The following KIAA1755 variants were observed in gnomAD, a reference collection of about 807,000 sequenced individuals.
The protein encoded by KIAA1755 is KIAA1755.
A neutral mutation model predicts 91.7 loss-of-function variants in KIAA1755; 68 were observed. The observed-to-expected ratio is 0.74, with a 90% CI of 0.61 to 0.91. The LOEUF (loss-of-function observed/expected upper bound fraction) is 0.91. Among genes scored for constraint, KIAA1755 ranks in the 40% least tolerant of loss-of-function variants. The pLI, the probability that KIAA1755 is intolerant of heterozygous loss-of-function variation, is 0.00. For missense variants in KIAA1755, 1,535 were observed against 1,494.4 expected, an observed-to-expected ratio of 1.03 and a Z score of -0.45; for synonymous variants, 610 against 604.6, an observed-to-expected ratio of 1.01 and a Z score of -0.13.
At position 38,241,422 on chromosome 20, in the gene KIAA1755, T is replaced by C. The variant is rs756370481; in HGVS notation, c.709A>G (p.Lys237Glu). ...TACTTGCTCCCATATGTCCTGCCCT[T>C]ACCCTTGGCCAAACTCTGGGCAGGA... is the stretch of plus-strand genomic sequence containing the variant. ...VLPAQSLAKG[K>E]GRTYGSKYPG... The change falls in exon 3 of 14, where the codon AAG (lysine) becomes GAG (glutamate). Residue 237 changes from lysine (K) to glutamate (E), a missense_variant. By Grantham distance (56) the Lys-to-Glu change is moderately conservative (BLOSUM62 1). Transcript: ENST00000279024. 20 of 1,614,086 alleles carry C rather than the reference T, an allele frequency of 1.2e-5. No individual in the cohort carries two copies. The highest frequency in any genetic ancestry group is 1.2e-4 in the Admixed American group (7 of 60,012).
rs779933131 is a variant in KIAA1755, at chr20:38,239,591, G to A, written c.1684C>T (p.Pro562Ser). Residue 562 changes from proline (P) to serine (S), a missense_variant, in exon 4 of 14, where the codon CCT becomes TCT. Coordinates refer to ENST00000279024, the MANE Select transcript of KIAA1755 (RefSeq NM_001029864.2). ...CCTAGAGCCCCAATCCTGGGCTCAG[G>A]CCCTGGGGGCTCCTCCTCCAGGGTG... Reference protein sequence around the residue: ...GPTLEEEPPGPEPRIGALGVK... With the variant: ...GPTLEEEPPGSEPRIGALGVK... 1.9e-6 allele frequency: 3 copies of A among 1,608,818 alleles called. No individual in the cohort carries two copies. Among genetic ancestry groups the A allele is most frequent in the Non-Finnish European group, 2.5e-6 (3 of 1,178,306 alleles).
At chr20:38,252,802 G>C (rs978738394) in intron 1 of KIAA1755, among the ~76,000 whole-genome samples, 1 of 152,162 alleles carries the variant, frequency 6.6e-6, no homozygotes, top group Non-Finnish European at 1.5e-5. Context: ...ACAGAGCTCC[G>C]AGCTCTTGGC....
At chr20:38,222,098 G>T (rs1568737164) in intron 10 of KIAA1755, among the ~76,000 whole-genome samples, 1 of 152,254 alleles carries the variant, frequency 6.6e-6, no homozygotes, top group East Asian at 1.9e-4. Flanking sequence ...GTTCTTGCCA[G>T]AAATAAATGA....
At position 38,222,586 on chromosome 20, in the gene KIAA1755, C is replaced by A. The variant is rs35524973; in HGVS notation, c.2280G>T (p.Arg760Ser). ...TCAGCTCCTTGGACTTGCTCAGGCA[C>A]CTGGTAGCCTCCTGCCAGCGTAGGG... ...DPPGGMQEATRCLSKSKELME... is the reference protein window; with the variant it reads ...DPPGGMQEATSCLSKSKELME... The change falls in exon 10 of 14, where the codon AGG becomes AGT. Residue 760 changes from arginine (R) to serine (S), a missense_variant. By Grantham distance (110) the Arg-to-Ser change is moderately radical. Transcript: ENST00000279024. 204 of 1,612,468 alleles carry A rather than the reference C, an allele frequency of 1.3e-4. 1 individual carries two copies. Among genetic ancestry groups the A allele is most frequent in the Admixed American group, 5.3e-4 (32 of 60,022 alleles).
At chr20:38,242,042 AG>A in intron 2 of KIAA1755, 113 bp from the exon 3 acceptor site, 6 of 1,103,458 alleles carry the variant, frequency 5.4e-6, no homozygotes, top group Non-Finnish European at 7.8e-6. Context: ...GACTAGGATG[AG>A]GCAGCATTTA....
intron 13 of KIAA1755, among the ~76,000 whole-genome samples, chr20:38,216,503 G>A (rs2123056448): frequency 6.6e-6 from 1 of 152,370 alleles, no homozygotes; most frequent in Non-Finnish European, 1.5e-5. Context: ...GCAAGGGGCA[G>A]CCAAGGGCAC....
intron 1 of KIAA1755, chr20:38,260,103 C>G: frequency 1.0e-6 from 1 of 962,724 alleles, no homozygotes; most frequent in Non-Finnish European, 1.4e-6. Flanking sequence ...TAACCCCCAC[C>G]ACCACTCTTC....
At chr20:38,256,202 A>G (rs2076336536) in intron 1 of KIAA1755, among the ~76,000 whole-genome samples, 1 of 152,112 alleles carries the variant, frequency 6.6e-6, no homozygotes, top group Non-Finnish European at 1.5e-5. Context: ...CTTAGTCATC[A>G]TAGTGGGCTT....
At chr20:38,242,422 T>A (rs146272950) in intron 2 of KIAA1755, among the ~76,000 whole-genome samples, 2 of 152,224 alleles carry the variant, frequency 1.3e-5, no homozygotes, top group Non-Finnish European at 2.9e-5. Flanking sequence ...GGTATGAGGA[T>A]TAAGTGAGAT....
At position 38,246,092 on chromosome 20, in the gene KIAA1755, G is replaced by T. The variant is rs938665875; in HGVS notation, c.38C>A (p.Ala13Asp). Reference sequence around the variant, plus strand: ...GAAAGGAGGATAGAGGCCCGCCAGGGCATGCTGGATGGCTGTGTCGAGGGA... The same window carrying T: ...GAAAGGAGGATAGAGGCCCGCCAGGTCATGCTGGATGGCTGTGTCGAGGGA... The part of the protein sequence containing the change: ...PPSLDTAIQH[A>D]LAGLYPPFEA... Residue 13 changes from alanine (A) to aspartate (D), a missense_variant, in exon 2 of 14, where the codon GCC becomes GAC. Coordinates refer to ENST00000279024, the MANE Select transcript of KIAA1755 (RefSeq NM_001029864.2). The T allele has an allele frequency of 5.6e-6, 9 of 1,613,816 alleles. No homozygotes were observed. In the African/African-American group the frequency reaches 1.2e-4, roughly 22 times the overall value.
In KIAA1755 at chr20:38,211,267, C is replaced by G. The variant is rs1322779273; in HGVS notation, c.*1775G>C. 1 of 152,376 alleles carries G rather than the reference C, an allele frequency of 6.6e-6. No homozygotes were observed. The highest frequency in any genetic ancestry group is 1.5e-5 in the Non-Finnish European group (1 of 68,176). The allele number at this position is 152,376 out of a possible 1,614,324, so 9.4% of individuals were successfully genotyped here. On this transcript the variant is annotated 3_prime_UTR_variant, in exon 14 of 14. Coordinates refer to ENST00000279024, the MANE Select transcript of KIAA1755 (RefSeq NM_001029864.2). The stretch of plus-strand genomic sequence containing the variant: ...AGAAGCCCTAGTTGTCCTCCTGTGC[C>G]TGGCCCAGGCCTGCCTCTCTCCCCT...
At position 38,256,413 on chromosome 20, in the gene KIAA1755, C is replaced by A. The variant is rs77614148; in HGVS notation, c.3+4085G>T. On this transcript the variant is annotated intron_variant, in intron 1 of 13. Transcript: ENST00000279024. ...GGCCCCTTTCATGAGGTTCTTTCTG[C>A]CATGTTCACATATTCTAATTTGTTA... Among the ~76,000 whole-genome samples the A allele has an allele frequency of 5.3e-3, 811 of 152,326 alleles. 12 individuals carry two copies. The highest frequency in any genetic ancestry group is 0.019 in the African/African-American group (769 of 41,564).
At position 38,227,217 on chromosome 20, in the gene KIAA1755, C is replaced by T. The variant is rs143573455; in HGVS notation, c.1989G>A (p.Arg663=). ...ATQAQVPASI[R]AILFLGEKEA... is the part of the protein sequence containing the mutation. ...CCTTCTCCCCCAGGAAGAGAATAGC[C>T]CGGATAGAGGCTGGGACCTGAGCCT... is the stretch of plus-strand genomic sequence containing the variant. Residue 663 remains arginine, a synonymous_variant, in exon 7 of 14, where the codon CGG becomes CGA. Coordinates refer to ENST00000279024, the MANE Select transcript of KIAA1755 (RefSeq NM_001029864.2). 1,590 of 1,613,878 alleles carry T rather than the reference C, an allele frequency of 9.9e-4. 16 individuals are homozygous for T. The African/African-American group carries it at 0.019, about 19-fold the overall frequency.
At chr20:38,231,073 G>C in intron 5 of KIAA1755, 129 bp downstream of exon 5, 1 of 1,021,900 alleles carries the variant, frequency 9.8e-7, no homozygotes, top group Non-Finnish European at 1.4e-6. Flanking sequence ...CATCTGTCTG[G>C]GGACTGGCTC....
chr20:38,238,540 TCC>T (rs2075998319), intron 4 of KIAA1755, among the ~76,000 whole-genome samples: 1 of 152,198 alleles, frequency 6.6e-6, no homozygotes, highest in Admixed American at 6.5e-5. Context: ...CGGGAAGTCA[TCC>T]TTGACCTCTA....
intron 11 of KIAA1755, 38 bp from the exon 12 acceptor site, chr20:38,218,404 C>T (rs1415642037): frequency 3.1e-6 from 5 of 1,611,024 alleles, no homozygotes; most frequent in African/African-American, 1.3e-5. Context: ...TGAGGGGCTG[C>T]TAGGAGACCT....
chr20:38,231,457 G>T, intron 4 of KIAA1755, 132 bp from the exon 5 acceptor site: 1 of 1,045,234 alleles, frequency 9.6e-7, no homozygotes, highest in Non-Finnish European at 1.3e-6. Context: ...TTCTCCTTCT[G>T]TGAACTCTGA....
chr20:38,226,830 T>G lies in KIAA1755; in HGVS notation c.2052+324A>C, dbSNP rs139818066. Among the ~76,000 whole-genome samples, 633 of 152,244 alleles carry G rather than the reference T, an allele frequency of 4.2e-3. 6 individuals carry two copies. The highest frequency in any genetic ancestry group is 0.014 in the African/African-American group (597 of 41,532). ...GGCCTTAGGCTTCAGTTTCCCCCTC[T>G]GAAAACAAAGGGAGGAGGGATGGAC... On this transcript the variant is annotated intron_variant, in intron 7 of 13. Transcript: ENST00000279024.
chr20:38,215,428 G>T (rs1340636809), intron 13 of KIAA1755, among the ~76,000 whole-genome samples: 1 of 152,158 alleles, frequency 6.6e-6, no homozygotes, highest in African/African-American at 2.4e-5. Flanking sequence ...GGACCAACTC[G>T]AACCCAGTCC....
Sources: gnomAD v4.1 joint callset for allele counts (sites outside exome capture counted in the v4.1 genomes callset) on GRCh38, gnomAD v4.1.1 for gene constraint, MANE v1.5 for transcripts, NCBI Gene and HGNC (gene_info 2026-07-23, HGNC 2026-07-21) for gene names.